Variants in IFT80 observed in about 807,000 individuals in gnomAD.
IFT80 encodes intraflagellar transport 80.
In IFT80, 79 loss-of-function variants were observed where a neutral mutation model predicts 107.9. The observed-to-expected ratio is 0.73, with a 90% confidence interval of 0.61 to 0.88. The LOEUF (loss-of-function observed/expected upper bound fraction) is 0.88, where lower values mean the gene tolerates loss of function less well. Ranked by LOEUF, IFT80 falls within the 40% of genes least tolerant of loss-of-function variation. The pLI, the probability that IFT80 is intolerant of heterozygous loss-of-function variation, is 0.00. For synonymous variants in IFT80, 299 were observed against 300.9 expected (o/e 0.99, Z 0.07); for missense variants, 797 against 914.2 (o/e 0.87, Z 1.65).
At chr3:160,367,982 A>G (rs1042913012) in intron 5 of IFT80, among the ~76,000 whole-genome samples, 1 of 151,968 alleles carries the variant, frequency 6.6e-6, no homozygotes, top group Non-Finnish European at 1.5e-5. Context: ...ACCCAACTAT[A>G]TTTACAAAAC....
intron 1 of IFT80, among the ~76,000 whole-genome samples, chr3:160,386,624 T>C (rs944349667): frequency 6.6e-6 from 1 of 152,146 alleles, no homozygotes; most frequent in African/African-American, 2.4e-5. Flanking sequence ...GTCCAACCAC[T>C]AAAATACACA....
At position 160,300,865 on chromosome 3, in the gene IFT80, T is replaced by TTATAAAAA. The variant is rs755456639; in HGVS notation, c.1315+10_1315+17dup. On this transcript the variant is annotated intron_variant, in intron 12 of 19. Transcript: ENST00000326448. ...CAAATTTCATATTTGACAGGAAAAA[T>TTATAAAAA]TATAAAAATATACTTACTTTTTTCA... is the stretch of plus-strand genomic sequence containing the variant. 11 of 1,570,914 alleles carry TTATAAAAA rather than the reference T, an allele frequency of 7.0e-6. No individual in the cohort carries two copies. The highest frequency in any genetic ancestry group is 2.7e-5 in the African/African-American group (2 of 73,076).
At chr3:160,345,583 A>T (rs949343146) in intron 8 of IFT80, among the ~76,000 whole-genome samples, 4 of 151,296 alleles carry the variant, frequency 2.6e-5, no homozygotes, top group Non-Finnish European at 5.9e-5. Context: ...AATCTCAGCT[A>T]CTCGGGAGGC....
chr3:160,381,239 AATATATATATAT>A (rs56915671), intron 3 of IFT80, among the ~76,000 whole-genome samples: 24 of 86,278 alleles, frequency 2.8e-4, no homozygotes, highest in African/African-American at 6.9e-4. Context: ...CCCATCTCTA[AATATATATATAT>A]ATATATATAT....
At chr3:160,331,945 C>T (rs1432603448) in intron 8 of IFT80, among the ~76,000 whole-genome samples, 1 of 152,162 alleles carries the variant, frequency 6.6e-6, no homozygotes, top group Non-Finnish European at 1.5e-5. Flanking sequence ...GCATAAGCCA[C>T]CACGCCTGGC....
rs1443127611 is a variant in IFT80 at position 160,285,950 on chromosome 3, A to G, written c.1316-82T>C. On this transcript the variant is annotated intron_variant, in intron 12 of 19. Coordinates refer to ENST00000326448, the MANE Select transcript of IFT80 (RefSeq NM_020800.3). ...ATTCAGTGAAACTATTATAATCCTT[A>G]TAAGAAATTATTTAACTCTCTAGAC... is the stretch of plus-strand genomic sequence containing the variant. 9.4e-6 allele frequency: 9 copies of G among 960,500 alleles called. No homozygotes were observed. The Admixed American group carries it at 1.4e-4, about 15-fold the overall frequency. The allele number at this position is 960,500 out of a possible 1,614,324, so 59.5% of individuals were successfully genotyped here.
intron 18 of IFT80, among the ~76,000 whole-genome samples, chr3:160,271,071 CATT>C (rs548954490): frequency 2.6e-5 from 4 of 152,026 alleles, no homozygotes; most frequent in South Asian, 2.1e-4. Context: ...CTATCATTGT[CATT>C]ATTATTATTA....
In IFT80 at chr3:160,381,543, T is replaced by C; in HGVS notation, c.219A>G (p.Lys73=). Residue 73 remains lysine, a synonymous_variant, in exon 3 of 20, where the codon AAA becomes AAG. Transcript: ENST00000326448. ...GGACAAAGCTTTCTGCCTGGGTTTGTTTCTTTACACCCAAACTTTTTGGAA... is the reference window on the plus strand; with the variant it reads ...GGACAAAGCTTTCTGCCTGGGTTTGCTTCTTTACACCCAAACTTTTTGGAA... The part of the protein sequence containing the change: ...HWFPKSLGVK[K]QTQAESFVLT... 6.2e-7 allele frequency: 1 copy of C among 1,613,878 alleles called. No homozygotes were observed. The highest frequency in any genetic ancestry group is 8.5e-7 in the Non-Finnish European group (1 of 1,179,894).
At chr3:160,346,343 C>T (rs1720291614) in intron 8 of IFT80, among the ~76,000 whole-genome samples, 1 of 152,086 alleles carries the variant, frequency 6.6e-6, no homozygotes, top group Non-Finnish European at 1.5e-5. Context: ...TATATCAAAA[C>T]ATCACATTAC....
chr3:160,353,293 T>G (rs1355187210), intron 8 of IFT80, among the ~76,000 whole-genome samples: 1 of 152,170 alleles, frequency 6.6e-6, no homozygotes, highest in Non-Finnish European at 1.5e-5. Flanking sequence ...GAAAATCTTA[T>G]ATTAGACGCT....
intron 9 of IFT80, among the ~76,000 whole-genome samples, chr3:160,311,118 A>G (rs1052729494): frequency 2.1e-4 from 32 of 152,110 alleles, no homozygotes; most frequent in African/African-American, 7.7e-4. Context: ...AAGTGAGAGC[A>G]TGTCTTGAAA....
At chr3:160,384,348 C>T in intron 2 of IFT80, 1 of 1,133,818 alleles carries the variant, frequency 8.8e-7, no homozygotes, top group South Asian at 3.3e-5. Context: ...AGAAAAACGT[C>T]AGTAAGAATT....
chr3:160,261,314 T>A (rs148710626), intron 19 of IFT80, among the ~76,000 whole-genome samples: 221 of 152,036 alleles, frequency 1.5e-3, no homozygotes, highest in Non-Finnish European at 1.8e-3. Context: ...TCAACAAATA[T>A]TTAGTGCTTA....
intron 12 of IFT80, chr3:160,298,930 AAG>A (rs1716201106): frequency 5.5e-6 from 1 of 180,668 alleles, no homozygotes; most frequent in Non-Finnish European, 1.1e-5. Flanking sequence ...ACTCGGTGAT[AAG>A]AGTTTTTTAG....
In IFT80 at chr3:160,282,508, A is replaced by G. The variant is rs1283885083; in HGVS notation, c.1486T>C (p.Phe496Leu). 6.3e-7 allele frequency: 1 copy of G among 1,595,876 alleles called. No individual in the cohort carries two copies. The highest frequency in any genetic ancestry group is 1.7e-5 in the Admixed American group (1 of 59,232). ...RDLCITSVKR[F>L]GKEEQIIKLG... ...TTGATAATTTGTTCTTCCTTCCCAA[A>G]TCGTTTCACAGAAGTGATACAGAGA... The change falls in exon 14 of 20, where the codon TTT (phenylalanine) becomes CTT (leucine). Residue 496 changes from phenylalanine (F) to leucine (L), a missense_variant. Coordinates refer to ENST00000326448, the MANE Select transcript of IFT80 (RefSeq NM_020800.3).
intron 10 of IFT80, 50 bp from the exon 11 acceptor site, chr3:160,304,039 C>G (rs1716641181): frequency 1.7e-6 from 2 of 1,175,800 alleles, no homozygotes; most frequent in Non-Finnish European, 2.5e-6. Flanking sequence ...ATACCAAATA[C>G]TTTTAAATAA....
chr3:160,299,985 T>C (rs971458826), intron 12 of IFT80, among the ~76,000 whole-genome samples: 2 of 152,056 alleles, frequency 1.3e-5, no homozygotes, highest in African/African-American at 4.8e-5. Context: ...TATCTCCATG[T>C]TGTCCTCTCC....
At chr3:160,367,944 G>C (rs1445445633) in intron 5 of IFT80, among the ~76,000 whole-genome samples, 1 of 151,816 alleles carries the variant, frequency 6.6e-6, no homozygotes, top group Non-Finnish European at 1.5e-5. Flanking sequence ...GGTGAATCAA[G>C]GTTATGTAGT....
At chr3:160,267,141 T>C (rs1307781463) in intron 19 of IFT80, among the ~76,000 whole-genome samples, 2 of 152,208 alleles carry the variant, frequency 1.3e-5, no homozygotes, top group Non-Finnish European at 2.9e-5. Context: ...GTTGCACTGC[T>C]AAACTCTAAG....
Sources: gnomAD v4.1 joint callset for allele counts (sites outside exome capture counted in the v4.1 genomes callset) on GRCh38, gnomAD v4.1.1 for gene constraint, MANE v1.5 for transcripts, NCBI Gene and HGNC (gene_info 2026-07-23, HGNC 2026-07-21) for gene names.